Variants in TAFA1 observed in about 807,000 individuals in gnomAD.
TAFA1 encodes the protein TAFA chemokine like family member 1.
TAFA1 carries 4 observed loss-of-function variants against 18.5 expected under a neutral mutation model. That is an observed-to-expected ratio of 0.22 (90% CI 0.11 to 0.49). TAFA1 has a LOEUF of 0.49. Ranked by LOEUF, TAFA1 falls within the 20% of genes least tolerant of loss-of-function variation. The pLI is 0.98. For synonymous variants in TAFA1, 56 were observed against 55.2 expected (o/e 1.01, Z -0.06); for missense variants, 147 against 169.0 (o/e 0.87, Z 0.72).
At chr3:68,110,536 G>T (rs2065251339) in intron 2 of TAFA1, among the ~76,000 whole-genome samples, 1 of 152,106 alleles carries the variant, frequency 6.6e-6, no homozygotes, top group Non-Finnish European at 1.5e-5. Context: ...TCTGCCTCTA[G>T]ATATTCAAAG....
intron 2 of TAFA1, among the ~76,000 whole-genome samples, chr3:68,218,732 AACACATTG>A (rs1042583638): frequency 3.1e-4 from 47 of 152,268 alleles, no homozygotes; most frequent in African/African-American, 1.0e-3. Context: ...TAACCTGAGA[AACACATTG>A]ACTTGTGAGG....
At chr3:68,101,653 A>G (rs1429687146) in intron 2 of TAFA1, among the ~76,000 whole-genome samples, 2 of 152,188 alleles carry the variant, frequency 1.3e-5, no homozygotes, top group Non-Finnish European at 2.9e-5. Flanking sequence ...ACTAAAAAGC[A>G]ATACTTCCCA....
At chr3:68,256,921 G>T (rs1033741230) in intron 2 of TAFA1, among the ~76,000 whole-genome samples, 4 of 152,056 alleles carry the variant, frequency 2.6e-5, no homozygotes, top group Non-Finnish European at 5.9e-5. Flanking sequence ...CCACACGGCA[G>T]CCAATATCAT....
chr3:68,516,195 T>G (rs2072918160), intron 3 of TAFA1, among the ~76,000 whole-genome samples: 1 of 152,238 alleles, frequency 6.6e-6, no homozygotes, highest in African/African-American at 2.4e-5. Context: ...CCCATCTTGA[T>G]AATGGAATTT....
chr3:68,070,626 A>T (rs2064742474), intron 2 of TAFA1, among the ~76,000 whole-genome samples: 1 of 152,190 alleles, frequency 6.6e-6, no homozygotes, highest in African/African-American at 2.4e-5. Flanking sequence ...TTTCTATTGC[A>T]TTGTCAGGCT....
chr3:68,372,342 A>G (rs2069723685), intron 2 of TAFA1, among the ~76,000 whole-genome samples: 1 of 152,140 alleles, frequency 6.6e-6, no homozygotes, highest in South Asian at 2.1e-4. Flanking sequence ...TGGTTTAGTG[A>G]CAGCCGAAAA....
intron 2 of TAFA1, among the ~76,000 whole-genome samples, chr3:68,311,496 C>G (rs2068515558): frequency 6.6e-6 from 1 of 151,050 alleles, no homozygotes; most frequent in Non-Finnish European, 1.5e-5. Flanking sequence ...TGGATAAATA[C>G]AACCATCCAA....
rs901251142 is a variant in TAFA1 at position 68,432,958 on chromosome 3, T to C, written c.259+15538T>C. Among the ~76,000 whole-genome samples the C allele has an allele frequency of 5.9e-5, 9 of 152,112 alleles. No individual in the cohort carries two copies. In the South Asian group the frequency reaches 1.2e-3, roughly 21 times the overall value. The stretch of plus-strand genomic sequence containing the variant: ...GAGACTCCCTAGGTTACTTCATTCA[T>C]TCTCATGGCTTCAGAGACCCAAATA... On this transcript the variant is annotated intron_variant, in intron 3 of 4. Transcript: ENST00000478136.
chr3:68,054,286 G>A (rs1033585195), intron 2 of TAFA1, among the ~76,000 whole-genome samples: 8 of 152,142 alleles, frequency 5.3e-5, no homozygotes, highest in Middle Eastern at 3.4e-3. Flanking sequence ...GGAGTAGGGA[G>A]GGTAGTGAGT....
intron 2 of TAFA1, among the ~76,000 whole-genome samples, chr3:68,089,755 C>A (rs1179127464): frequency 6.6e-6 from 1 of 152,082 alleles, no homozygotes; most frequent in Non-Finnish European, 1.5e-5. Flanking sequence ...CAGAGAGAAT[C>A]CTTTTTAATA....
At position 68,262,321 on chromosome 3, in the gene TAFA1, A is replaced by G. The variant is rs1484896733; in HGVS notation, c.119-154959A>G. Among the ~76,000 whole-genome samples the G allele has an allele frequency of 3.4e-3, 204 of 59,752 alleles. 4 individuals are homozygous for G. The highest frequency in any genetic ancestry group is 0.014 in the African/African-American group (196 of 14,238). The allele number at this position is 59,752 out of a possible 152,430, so 39.2% of individuals were successfully genotyped here. On this transcript the variant is annotated intron_variant, in intron 2 of 4. Coordinates refer to ENST00000478136, the MANE Select transcript of TAFA1 (RefSeq NM_213609.4). ...AGATATGGAGGGTATATATATATAT[A>G]TATATATATATATATATATATATAT...
At chr3:68,476,725 G>T (rs186035738) in intron 3 of TAFA1, among the ~76,000 whole-genome samples, 2 of 152,148 alleles carry the variant, frequency 1.3e-5, no homozygotes, top group Admixed American at 6.5e-5. Context: ...ACATTCATAG[G>T]ATTTGTTACC....
chr3:68,106,062 A>T (rs2065199599), intron 2 of TAFA1, among the ~76,000 whole-genome samples: 1 of 152,072 alleles, frequency 6.6e-6, no homozygotes, highest in Non-Finnish European at 1.5e-5. Context: ...ATGCCAAAAG[A>T]AAGCCCTTCT....
intron 2 of TAFA1, among the ~76,000 whole-genome samples, chr3:68,258,142 T>C (rs1470251027): frequency 6.6e-6 from 1 of 152,196 alleles, no homozygotes; most frequent in African/African-American, 2.4e-5. Flanking sequence ...AATAGTAATG[T>C]GTCAATGTTA....
chr3:68,012,439 C>T (rs1266363074), intron 2 of TAFA1, among the ~76,000 whole-genome samples: 2 of 152,022 alleles, frequency 1.3e-5, no homozygotes, highest in Non-Finnish European at 2.9e-5. Flanking sequence ...TGTCTATCTA[C>T]CCACGAGGAA....
chr3:68,129,144 C>G (rs769823565), intron 2 of TAFA1, among the ~76,000 whole-genome samples: 1 of 152,154 alleles, frequency 6.6e-6, no homozygotes, highest in Non-Finnish European at 1.5e-5. Context: ...GGTTTGTTGT[C>G]TTCTGTCTGG....
intron 2 of TAFA1, among the ~76,000 whole-genome samples, chr3:68,410,705 C>CA (rs34714719): frequency 0.11 from 4,150 of 36,500 alleles, 1,238 homozygotes; most frequent in East Asian, 0.22. Context: ...TTTCCATAAG[C>CA]AAAAAAAAAA....
intron 2 of TAFA1, among the ~76,000 whole-genome samples, chr3:68,087,301 T>C (rs920917626): frequency 1.3e-5 from 2 of 152,176 alleles, no homozygotes; most frequent in African/African-American, 4.8e-5. Flanking sequence ...TGAAAGAAGA[T>C]AATTACTATC....
At chr3:68,426,446 T>C (rs541820420) in intron 3 of TAFA1, among the ~76,000 whole-genome samples, 12 of 151,934 alleles carry the variant, frequency 7.9e-5, no homozygotes, top group Admixed American at 4.6e-4. Flanking sequence ...TGAACCTAAA[T>C]TTTTTAGCGC....
Sources: gnomAD v4.1 joint callset for allele counts (sites outside exome capture counted in the v4.1 genomes callset) on GRCh38, gnomAD v4.1.1 for gene constraint, MANE v1.5 for transcripts, NCBI Gene and HGNC (gene_info 2026-07-23, HGNC 2026-07-21) for gene names.